Variants in EEFSEC observed in about 807,000 individuals in gnomAD.
EEFSEC encodes eukaryotic elongation factor, selenocysteine-tRNA specific, also known as selenocysteine-specific elongation factor.
Under a neutral mutation model 42.1 loss-of-function variants are expected in EEFSEC, and 43 were observed. That is an observed-to-expected ratio of 1.02 (90% CI 0.80 to 1.32). The LOEUF (loss-of-function observed/expected upper bound fraction) is 1.32, where lower values mean the gene tolerates loss of function less well. Ranked by LOEUF, EEFSEC falls within the 40% of genes most tolerant of loss-of-function variation. EEFSEC has a pLI of 0.00. For missense variants in EEFSEC, 745 were observed against 803.6 expected, an observed-to-expected ratio of 0.93 and a Z score of 0.88; for synonymous variants, 354 against 339.1, an observed-to-expected ratio of 1.04 and a Z score of -0.48.
the EEFSEC span, among the ~76,000 whole-genome samples, chr3:128,417,170 G>C: frequency 3.3e-5 from 5 of 152,112 alleles, no homozygotes; most frequent in Non-Finnish European, 1.5e-5. This position sits in a 1 kb window ranked among gnomAD's most constrained non-coding sequence, Gnocchi z 4.3. Context: ...GCCGGCTGCA[G>C]CCGGAGAATC....
chr3:128,420,696 T>C, the EEFSEC span, among the ~76,000 whole-genome samples: 1 of 152,186 alleles, frequency 6.6e-6, no homozygotes, highest in African/African-American at 2.4e-5. Context: ...CAGTGAAAGA[T>C]GACAGGACAG....
chr3:128,259,264 G>A (rs566011717), intron 2 of EEFSEC, among the ~76,000 whole-genome samples: 13 of 152,190 alleles, frequency 8.5e-5, no homozygotes, highest in South Asian at 8.3e-4. Flanking sequence ...TCTTCCTGGC[G>A]GAAACAAACT....
At chr3:128,380,577 C>T (rs1033550612) in intron 6 of EEFSEC, among the ~76,000 whole-genome samples, 1 of 152,202 alleles carries the variant, frequency 6.6e-6, no homozygotes, top group Non-Finnish European at 1.5e-5. Context: ...TCCTGAGCAG[C>T]CTGGAGGGTT....
chr3:128,361,749 C>G (rs575615072), intron 6 of EEFSEC, among the ~76,000 whole-genome samples: 5 of 152,212 alleles, frequency 3.3e-5, no homozygotes, highest in Non-Finnish European at 7.3e-5. Flanking sequence ...CAAAACATCT[C>G]CCTTCAAAGA....
chr3:128,277,029 T>C (rs1204587247), intron 4 of EEFSEC, among the ~76,000 whole-genome samples: 1 of 152,180 alleles, frequency 6.6e-6, no homozygotes, highest in Non-Finnish European at 1.5e-5. Context: ...AAGCAGACCC[T>C]TCTGGGCAGA....
At chr3:128,299,277 T>G (rs1207081877) in intron 4 of EEFSEC, among the ~76,000 whole-genome samples, 1 of 152,166 alleles carries the variant, frequency 6.6e-6, no homozygotes, top group Non-Finnish European at 1.5e-5. Context: ...TAGGGTGAGG[T>G]GGTAACTCAT....
chr3:128,198,801 A>T (rs1310766024), intron 1 of EEFSEC, among the ~76,000 whole-genome samples: 2 of 151,404 alleles, frequency 1.3e-5, no homozygotes, highest in Non-Finnish European at 2.9e-5. Flanking sequence ...ATTTTTTCAT[A>T]TGTGTGTTTT....
At chr3:128,207,630 A>G (rs146453021) in intron 1 of EEFSEC, among the ~76,000 whole-genome samples, 1 of 151,902 alleles carries the variant, frequency 6.6e-6, no homozygotes, top group African/African-American at 2.4e-5. Context: ...GATAACGTAA[A>G]CTAGACCTTT....
intron 1 of EEFSEC, among the ~76,000 whole-genome samples, chr3:128,212,918 C>T (rs2065773724): frequency 6.6e-6 from 1 of 152,218 alleles, no homozygotes; most frequent in Non-Finnish European, 1.5e-5. Flanking sequence ...CCAGGGCTGC[C>T]TTCCTGGGAG....
At chr3:128,421,118 C>G in the EEFSEC span, among the ~76,000 whole-genome samples, 376 of 152,252 alleles carry the variant, frequency 2.5e-3, 2 homozygotes, top group African/African-American at 8.9e-3. Flanking sequence ...CACCTTGTCC[C>G]CGGGGCCTTG....
At chr3:128,366,520 T>C (rs1190569710) in intron 6 of EEFSEC, among the ~76,000 whole-genome samples, 1 of 152,216 alleles carries the variant, frequency 6.6e-6, no homozygotes, top group African/African-American at 2.4e-5. Flanking sequence ...GCAGTCAGCC[T>C]GAGGGCACAG....
chr3:128,173,324 C>T (rs1300751114), intron 1 of EEFSEC, among the ~76,000 whole-genome samples: 3 of 152,152 alleles, frequency 2.0e-5, no homozygotes, highest in Admixed American at 6.5e-5. Context: ...CATCTTCACT[C>T]CCTAAGGCAG....
intron 5 of EEFSEC, among the ~76,000 whole-genome samples, chr3:128,353,907 C>A (rs2067419606): frequency 6.6e-6 from 1 of 152,196 alleles, no homozygotes; most frequent in Non-Finnish European, 1.5e-5. Context: ...GACACTGCCG[C>A]TCACCTGCTG....
At chr3:128,257,820 G>T (rs1179323350) in intron 2 of EEFSEC, among the ~76,000 whole-genome samples, 3 of 152,200 alleles carry the variant, frequency 2.0e-5, no homozygotes, top group Non-Finnish European at 2.9e-5. Context: ...AGCGTGGCCT[G>T]TGCGCGTCAA....
chr3:128,173,366 T>G (rs1180955170), intron 1 of EEFSEC, among the ~76,000 whole-genome samples: 1 of 152,224 alleles, frequency 6.6e-6, no homozygotes, highest in Non-Finnish European at 1.5e-5. Context: ...ACAGATGTTT[T>G]GTGGTAGTAA....
chr3:128,362,695 A>G (rs1331069079), intron 6 of EEFSEC, among the ~76,000 whole-genome samples: 2 of 152,212 alleles, frequency 1.3e-5, no homozygotes, highest in Non-Finnish European at 2.9e-5. Context: ...GATTCTCACC[A>G]GGTAACAACT....
At chr3:128,366,651 G>C (rs2067593870) in intron 6 of EEFSEC, among the ~76,000 whole-genome samples, 1 of 152,240 alleles carries the variant, frequency 6.6e-6, no homozygotes, top group African/African-American at 2.4e-5. Context: ...ACTGACTCTT[G>C]TGTGTGGAAA....
chr3:128,403,689 CTCGCA>C (rs2068074873), intron 6 of EEFSEC, among the ~76,000 whole-genome samples: 1 of 129,330 alleles, frequency 7.7e-6, no homozygotes, highest in Admixed American at 7.8e-5. Flanking sequence ...CTCAGCGCCT[CTCGCA>C]TACCCTAGGA....
intron 1 of EEFSEC, among the ~76,000 whole-genome samples, chr3:128,222,649 A>G (rs2065872364): frequency 6.6e-6 from 1 of 152,226 alleles, no homozygotes; most frequent in African/African-American, 2.4e-5. Context: ...CACTGTGTAC[A>G]ATATTACGCA....
Sources: allele counts gnomAD v4.1 joint callset (sites outside exome capture counted in the v4.1 genomes callset), GRCh38; gene constraint gnomAD v4.1.1; non-coding constraint Gnocchi (gnomAD v3.1); transcripts MANE v1.5; gene names NCBI Gene and HGNC (gene_info 2026-07-23, HGNC 2026-07-21).